Variants in CORO2A observed in about 807,000 individuals in gnomAD.
The protein encoded by CORO2A is coronin 2A.
CORO2A carries 47 observed loss-of-function variants against 62.4 expected under a neutral mutation model. That is an observed-to-expected ratio of 0.75 (90% CI 0.60 to 0.96). The LOEUF is 0.96. CORO2A is among the 40% of genes least tolerant of loss of function. The pLI, the probability that CORO2A is intolerant of heterozygous loss-of-function variation, is 0.00. For missense variants in CORO2A, 610 were observed against 684.1 expected (o/e 0.89, Z 1.21); for synonymous variants, 273 against 268.9 (o/e 1.02, Z -0.15).
At chr9:98,165,872 G>A (rs759281662) in intron 1 of CORO2A, among the ~76,000 whole-genome samples, 1 of 152,168 alleles carries the variant, frequency 6.6e-6, no homozygotes, top group Non-Finnish European at 1.5e-5. Flanking sequence ...ACTGAATCAG[G>A]TATTCTGGGG....
At chr9:98,131,328 C>G (rs1337579171) in intron 6 of CORO2A, among the ~76,000 whole-genome samples, 1 of 91,838 alleles carries the variant, frequency 1.1e-5, no homozygotes, top group Non-Finnish European at 2.1e-5. Context: ...CTTAACAAAT[C>G]ACTTTTTTTT....
At chr9:98,151,814 ATT>A (rs747501901) in intron 2 of CORO2A, among the ~76,000 whole-genome samples, 1,595 of 115,458 alleles carry the variant, frequency 0.014, 27 homozygotes, top group African/African-American at 0.049. Flanking sequence ...TGCCCGGCTA[ATT>A]TTTTTTTTTT....
rs532351013 is a variant in CORO2A, at chr9:98,189,700, A to G, written c.-1+2859T>C. 5.6e-5 allele frequency among the ~76,000 whole-genome samples: 8 copies of G among 142,402 alleles called. No individual in the cohort carries two copies. In the East Asian group the frequency reaches 1.6e-3, roughly 28 times the overall value. The allele number at this position is 142,402 out of a possible 152,430, so 93.4% of individuals were successfully genotyped here. A position where few individuals can be genotyped will look rare whatever the true frequency, so the allele number is the denominator to read the frequency against. ...CACAGTAGGGAAGAGGAAGACTTCA[A>G]TCTGGAATCTATGTCTGCTGACTTT... On this transcript the variant is annotated intron_variant, in intron 1 of 11. Transcript: ENST00000375077.
intron 1 of CORO2A, among the ~76,000 whole-genome samples, chr9:98,186,245 C>T (rs1828237194): frequency 3.3e-5 from 5 of 151,184 alleles, no homozygotes; most frequent in Admixed American, 3.3e-4. Flanking sequence ...CTTACTTTAC[C>T]TATCTGTGAA....
At chr9:98,152,775 C>T (rs1827743695) in intron 2 of CORO2A, among the ~76,000 whole-genome samples, 5 of 152,034 alleles carry the variant, frequency 3.3e-5, no homozygotes, top group African/African-American at 1.2e-4. Flanking sequence ...AATGAGGAAA[C>T]AATTTGGTAA....
intron 1 of CORO2A, among the ~76,000 whole-genome samples, chr9:98,177,569 C>T (rs1408614905): frequency 3.4e-5 from 5 of 147,072 alleles, no homozygotes; most frequent in Non-Finnish European, 7.4e-5. Context: ...CAGATTCAAG[C>T]GATTCTCCTG....
intron 1 of CORO2A, among the ~76,000 whole-genome samples, chr9:98,167,586 G>A (rs780905414): frequency 5.3e-5 from 8 of 152,234 alleles, no homozygotes; most frequent in Non-Finnish European, 1.0e-4. Context: ...AGAGATCAGA[G>A]GCACAGCAAG....
Position 98,148,394 on chromosome 9 carries a change from CAAA to C in CORO2A, c.201+9063_201+9065del, listed in dbSNP as rs34087370. On this transcript the variant is annotated intron_variant, in intron 2 of 11. Transcript: ENST00000375077. ...TGGGCGACAGAGCGAGACTCCATCT[CAAA>C]AAAAAAAAAAAAATAAGATAAATAA... Among the ~76,000 whole-genome samples, 281 of 104,008 alleles carry C rather than the reference CAAA, an allele frequency of 2.7e-3. 1 individual carries two copies. Among genetic ancestry groups the C allele is most frequent in the African/African-American group, 9.8e-3 (267 of 27,312 alleles). The allele number at this position is 104,008 out of a possible 152,430, so 68.2% of individuals were successfully genotyped here.
intron 2 of CORO2A, among the ~76,000 whole-genome samples, chr9:98,153,390 C>T (rs939450054): frequency 4.1e-5 from 6 of 146,172 alleles, no homozygotes; most frequent in Admixed American, 6.9e-5. Context: ...CGTAAGCCAG[C>T]GCATCCGGCT....
chr9:98,175,988 G>A (rs899069524), intron 1 of CORO2A, among the ~76,000 whole-genome samples: 2 of 152,202 alleles, frequency 1.3e-5, no homozygotes, highest in Non-Finnish European at 2.9e-5. Flanking sequence ...CTATTTACCT[G>A]TATTCATGGA....
chr9:98,142,041 G>A (rs148699072), intron 2 of CORO2A, among the ~76,000 whole-genome samples: 91 of 152,260 alleles, frequency 6.0e-4, no homozygotes, highest in African/African-American at 2.1e-3. Flanking sequence ...TTTTAGCTAT[G>A]TAAGTTTTGC....
At chr9:98,186,281 C>T (rs6478593) in intron 1 of CORO2A, among the ~76,000 whole-genome samples, 80,922 of 144,852 alleles carry the variant, frequency 0.56, 22,568 homozygotes, top group African/African-American at 0.72. Flanking sequence ...GGGTGGCTGG[C>T]GGGGGGAGGG....
intron 2 of CORO2A, among the ~76,000 whole-genome samples, chr9:98,144,320 G>A (rs936321726): frequency 6.6e-6 from 1 of 152,132 alleles, no homozygotes; most frequent in Non-Finnish European, 1.5e-5. Context: ...CATAGTACAA[G>A]AATTCCCCAT....
chr9:98,163,840 T>C (rs867989703), intron 1 of CORO2A, among the ~76,000 whole-genome samples: 23 of 151,890 alleles, frequency 1.5e-4, no homozygotes, highest in South Asian at 8.3e-4. Flanking sequence ...CCTAAACTCA[T>C]TGCAGGACAA....
rs183031818 is a variant in CORO2A, at chr9:98,170,849, C to T, written c.1-13189G>A. On this transcript the variant is annotated intron_variant, in intron 1 of 11. Coordinates refer to ENST00000375077, the MANE Select transcript of CORO2A (RefSeq NM_052820.4). Reference sequence around the variant, plus strand: ...ATATAATAGTAACAGCCCTGCCCTGCCCACCTGTTAGGACGGTCTGTGGAG... The same window carrying T: ...ATATAATAGTAACAGCCCTGCCCTGTCCACCTGTTAGGACGGTCTGTGGAG... 5.3e-5 allele frequency among the ~76,000 whole-genome samples: 8 copies of T among 152,286 alleles called. No individual in the cohort carries two copies. In the East Asian group the frequency reaches 1.5e-3, roughly 29 times the overall value.
intron 1 of CORO2A, among the ~76,000 whole-genome samples, chr9:98,181,866 A>C (rs1828181830): frequency 6.6e-6 from 1 of 152,146 alleles, no homozygotes; most frequent in Non-Finnish European, 1.5e-5. Flanking sequence ...ACCCGCAACA[A>C]AGAAAACCAT....
chr9:98,130,137 A>G (rs1459505951), intron 7 of CORO2A, among the ~76,000 whole-genome samples: 1 of 152,072 alleles, frequency 6.6e-6, no homozygotes, highest in African/African-American at 2.4e-5. Flanking sequence ...CCCAGGCTGG[A>G]GAGCAGTAGT....
intron 1 of CORO2A, among the ~76,000 whole-genome samples, chr9:98,167,346 T>C (rs1827975430): frequency 6.6e-6 from 1 of 152,148 alleles, no homozygotes; most frequent in African/African-American, 2.4e-5. Flanking sequence ...ATATAGAGTT[T>C]CAGTTTTGCA....
At chr9:98,182,360 C>T (rs916391525) in intron 1 of CORO2A, among the ~76,000 whole-genome samples, 1 of 152,078 alleles carries the variant, frequency 6.6e-6, no homozygotes, top group Non-Finnish European at 1.5e-5. Context: ...CCACACAGGC[C>T]GAGCCACTCC....
Sources: allele counts gnomAD v4.1 joint callset (sites outside exome capture counted in the v4.1 genomes callset), GRCh38; gene constraint gnomAD v4.1.1; transcripts MANE v1.5; gene names NCBI Gene and HGNC (gene_info 2026-07-23, HGNC 2026-07-21).